ARHGAP29: variants seen among roughly 807,000 people sequenced by gnomAD.
ARHGAP29 encodes the protein Rho GTPase activating protein 29, also known as rho GTPase-activating protein 29.
A neutral mutation model predicts 122.6 loss-of-function variants in ARHGAP29; 43 were observed. The observed-to-expected ratio is 0.35, with a 90% confidence interval of 0.27 to 0.45. The LOEUF (loss-of-function observed/expected upper bound fraction) is 0.45, where lower values mean the gene tolerates loss of function less well. Among genes scored for constraint, ARHGAP29 ranks in the 20% least tolerant of loss-of-function variants. The probability of loss-of-function intolerance (pLI) is 1.00; values close to 1 mark genes in which losing one functional copy is unlikely to be tolerated. For missense variants in ARHGAP29, 1,303 were observed against 1,477.2 expected (o/e 0.88, Z 1.93); for synonymous variants, 506 against 497.1 (o/e 1.02, Z -0.24).
intron 15 of ARHGAP29, among the ~76,000 whole-genome samples, 188 bp downstream of exon 15, chr1:94,188,649 T>C (rs1248511639): frequency 6.6e-6 from 1 of 152,134 alleles, no homozygotes; most frequent in Non-Finnish European, 1.5e-5. Context: ...TCTAATATAC[T>C]GATAATCGTC....
rs568213565 is a variant in ARHGAP29 at position 94,202,371 on chromosome 1, T to C, written c.1143+173A>G. 2.7e-4 allele frequency: 194 copies of C among 710,048 alleles called. No homozygotes were observed. In the African/African-American group the frequency reaches 3.3e-3, roughly 12 times the overall value. 44.0% of individuals were successfully genotyped at this position (710,048 alleles called of 1,614,324 possible). A position where few individuals can be genotyped will look rare whatever the true frequency, so the allele number is the denominator to read the frequency against. On this transcript the variant is annotated intron_variant, in intron 11 of 22. Transcript: ENST00000260526. ...CTTCACCAACAGCATCAGCACGACC[T>C]GAGAGCCTATTAAAAAATGTTGACC... is the stretch of plus-strand genomic sequence containing the variant.
chr1:94,250,689 C>T (rs1285906424), intron 1 of ARHGAP29: 1 of 152,132 alleles, frequency 6.6e-6, no homozygotes, highest in Non-Finnish European at 1.5e-5. Flanking sequence ...TTACCAACAT[C>T]CAAGAATTCT....
chr1:94,178,448 C>A (rs993727845), intron 20 of ARHGAP29, among the ~76,000 whole-genome samples: 16 of 152,158 alleles, frequency 1.1e-4, no homozygotes, highest in African/African-American at 3.6e-4. Context: ...CTGCTCCCAT[C>A]TCAGTATATG....
At chr1:94,181,659 T>A (rs911799675) in intron 19 of ARHGAP29, among the ~76,000 whole-genome samples, 3 of 152,158 alleles carry the variant, frequency 2.0e-5, no homozygotes, top group African/African-American at 7.2e-5. Flanking sequence ...AGACTTCTTG[T>A]GTTCAAGAGC....
At chr1:94,184,054 A>G (rs1048131320) in intron 19 of ARHGAP29, 97 bp downstream of exon 19, 7 of 1,353,024 alleles carry the variant, frequency 5.2e-6, no homozygotes, top group East Asian at 2.3e-5. Context: ...GTCTATGCCA[A>G]TGAAAAAACA....
At chr1:94,243,575 T>C (rs1421258434) in intron 1 of ARHGAP29, among the ~76,000 whole-genome samples, 1 of 152,074 alleles carries the variant, frequency 6.6e-6, no homozygotes, top group East Asian at 1.9e-4. Context: ...CAGTTTTAGA[T>C]GCTTTATTGT....
intron 12 of ARHGAP29, among the ~76,000 whole-genome samples, chr1:94,200,289 G>A (rs1332943317): frequency 2.0e-5 from 3 of 152,098 alleles, no homozygotes; most frequent in Non-Finnish European, 2.9e-5. Flanking sequence ...TTGTCAATAA[G>A]CCTTTGAAAA....
chr1:94,283,135 G>A, the ARHGAP29 span, among the ~76,000 whole-genome samples: 1 of 152,282 alleles, frequency 6.6e-6, no homozygotes, highest in East Asian at 1.9e-4. Context: ...CGCCAACTCT[G>A]TAAGATTTTT....
At chr1:94,184,041 A>G (rs766839970) in intron 19 of ARHGAP29, 110 bp downstream of exon 19, 2 of 1,182,044 alleles carry the variant, frequency 1.7e-6, no homozygotes, top group Admixed American at 4.4e-5. Context: ...AGATACCTAT[A>G]CCGTCTATGC....
intron 2 of ARHGAP29, among the ~76,000 whole-genome samples, chr1:94,229,022 A>C (rs1450557601): frequency 3.3e-5 from 5 of 151,888 alleles, no homozygotes; most frequent in African/African-American, 1.2e-4. Flanking sequence ...AAAATATGGC[A>C]TCTTCCTCTT....
rs1011647056 is a variant in ARHGAP29 at position 94,237,401 on chromosome 1, C to G, written c.-33+14G>C. The G allele has an allele frequency of 1.3e-5, 13 of 985,566 alleles. No individual in the cohort carries two copies. In the South Asian group the frequency reaches 1.9e-4, roughly 14 times the overall value. 61.1% of individuals were successfully genotyped at this position (985,566 alleles called of 1,614,324 possible). A position where few individuals can be genotyped will look rare whatever the true frequency, so the allele number is the denominator to read the frequency against. Reference sequence around the variant, plus strand: ...CCGCCGCGGCCGGAGCAAGCGCCACCTCCTCACACTCACCACGGCGCTCCA... The same window carrying G: ...CCGCCGCGGCCGGAGCAAGCGCCACGTCCTCACACTCACCACGGCGCTCCA... On this transcript the variant is annotated intron_variant, in intron 1 of 22. Transcript: ENST00000260526.
chr1:94,259,412 A>T, intron 1 of ARHGAP29, among the ~76,000 whole-genome samples: 1 of 152,190 alleles, frequency 6.6e-6, no homozygotes, highest in East Asian at 1.9e-4. Context: ...GTCCCCATAA[A>T]ATGCATGTCT....
chr1:94,249,937 G>A (rs1570604644), intron 1 of ARHGAP29, among the ~76,000 whole-genome samples: 1 of 152,008 alleles, frequency 6.6e-6, no homozygotes, highest in East Asian at 1.9e-4. Flanking sequence ...CCCCCACTAA[G>A]AATTTTCTGG....
At chr1:94,287,497 C>T in the ARHGAP29 span, among the ~76,000 whole-genome samples, 9 of 150,658 alleles carry the variant, frequency 6.0e-5, no homozygotes, top group African/African-American at 2.2e-4. Context: ...ACCTCTTTTA[C>T]TATTATTATT....
chr1:94,269,797 T>A (rs529796265), intron 1 of ARHGAP29, among the ~76,000 whole-genome samples: 4 of 152,124 alleles, frequency 2.6e-5, no homozygotes. Context: ...TGTATTCTAG[T>A]TGGGGAGACA....
chr1:94,292,035 C>T, the ARHGAP29 span, among the ~76,000 whole-genome samples: 9 of 152,278 alleles, frequency 5.9e-5, no homozygotes, highest in Admixed American at 6.5e-5. Flanking sequence ...TGGATAATAT[C>T]CTGAAGAGTG....
Position 94,185,090 on chromosome 1 carries a change from TA to T in ARHGAP29, c.1921-31del, listed in dbSNP as rs777185486. 4.3e-5 allele frequency: 68 copies of T among 1,582,366 alleles called. 1 individual carries two copies. In the Admixed American group the frequency reaches 1.2e-3, roughly 27 times the overall value. On this transcript the variant is annotated intron_variant, in intron 17 of 22. Coordinates refer to ENST00000260526, the MANE Select transcript of ARHGAP29 (RefSeq NM_004815.4). Reference sequence around the variant, plus strand: ...AAGAAAATGATAGTTTGAAACTGGTTAACCTTAAAACTATTCACAACTGGGC... The same window carrying T: ...AAGAAAATGATAGTTTGAAACTGGTTACCTTAAAACTATTCACAACTGGGC...
chr1:94,304,173 T>C, the ARHGAP29 span, among the ~76,000 whole-genome samples: 1 of 152,200 alleles, frequency 6.6e-6, no homozygotes, highest in Non-Finnish European at 1.5e-5. Context: ...TCTCACTCTG[T>C]CTCCTAGGCT....
upstream of ARHGAP29, among the ~76,000 whole-genome samples, chr1:94,241,658 T>G (rs1311123581): frequency 7.0e-6 from 1 of 143,222 alleles, no homozygotes; most frequent in Non-Finnish European, 1.5e-5. Context: ...ATATATCTTA[T>G]ATATATAATT....
Sources: gnomAD v4.1 joint callset for allele counts (sites outside exome capture counted in the v4.1 genomes callset) on GRCh38, gnomAD v4.1.1 for gene constraint, MANE v1.5 for transcripts, NCBI Gene and HGNC (gene_info 2026-07-23, HGNC 2026-07-21) for gene names.